Variants in FAM90A24 observed in about 807,000 individuals in gnomAD.
The protein encoded by FAM90A24 is protein FAM90A24.
the FAM90A24 span, among the ~76,000 whole-genome samples, chr8:8,021,926 T>A: frequency 9.3e-5 from 14 of 150,322 alleles, no homozygotes; most frequent in South Asian, 2.1e-4. Flanking sequence ...AGGACTGTGA[T>A]TTGGATTCCA....
the FAM90A24 span, among the ~76,000 whole-genome samples, chr8:8,022,671 G>A: frequency 1.4e-5 from 1 of 74,062 alleles, no homozygotes; most frequent in Non-Finnish European, 2.9e-5. Flanking sequence ...AAGTAGAAAG[G>A]GAGGTTGCCC....
the FAM90A24 span, among the ~76,000 whole-genome samples, chr8:8,022,584 A>C: frequency 3.2e-4 from 27 of 83,258 alleles, no homozygotes; most frequent in Admixed American, 3.0e-3. Context: ...CTCTGAAAGG[A>C]AGGACTCAAA....
chr8:8,021,952 T>C, the FAM90A24 span, among the ~76,000 whole-genome samples: 1 of 151,236 alleles, frequency 6.6e-6, no homozygotes, highest in Non-Finnish European at 1.5e-5. Flanking sequence ...TTTCCCGCTG[T>C]CGTGGGGAAC....
the FAM90A24 span, chr8:8,022,834 C>T: frequency 8.7e-5 from 1 of 11,488 alleles, no homozygotes; most frequent in African/African-American, 2.5e-4. Flanking sequence ...CCCCCGACCC[C>T]ACCCCCACCC....
At chr8:8,022,559 C>T in the FAM90A24 span, among the ~76,000 whole-genome samples, 1 of 85,526 alleles carries the variant, frequency 1.2e-5, no homozygotes, top group African/African-American at 3.3e-5. Context: ...TCGCAAAGCC[C>T]ACGGGACGGA....
At chr8:8,021,941 T>C in the FAM90A24 span, among the ~76,000 whole-genome samples, 6 of 150,888 alleles carry the variant, frequency 4.0e-5, no homozygotes, top group South Asian at 2.1e-4. Flanking sequence ...ATTCCATCGC[T>C]TTTCCCGCTG....
the FAM90A24 span, among the ~76,000 whole-genome samples, chr8:8,021,984 C>G: frequency 6.6e-6 from 1 of 151,016 alleles, no homozygotes; most frequent in African/African-American, 2.4e-5. Flanking sequence ...GCCCCCGCCT[C>G]TCCCCGTCCC....
chr8:8,022,706 CG>C, the FAM90A24 span, among the ~76,000 whole-genome samples: 1 of 66,286 alleles, frequency 1.5e-5, no homozygotes, highest in African/African-American at 4.7e-5. Context: ...AGGGACCTAT[CG>C]GGCCGGGGAG....
chr8:8,022,681 C>T, the FAM90A24 span, among the ~76,000 whole-genome samples: 2 of 72,168 alleles, frequency 2.8e-5, no homozygotes, highest in African/African-American at 8.3e-5. Flanking sequence ...GGAGGTTGCC[C>T]CCAAGAGTCT....
chr8:8,022,711 C>G, the FAM90A24 span, among the ~76,000 whole-genome samples: 1 of 65,118 alleles, frequency 1.5e-5, no homozygotes, highest in Non-Finnish European at 3.2e-5. Context: ...CCTATCGGGC[C>G]GGGGAGAAGG....
At chr8:8,022,475 G>C in the FAM90A24 span, 1 of 375,314 alleles carries the variant, frequency 2.7e-6, no homozygotes, top group Non-Finnish European at 4.5e-6. Context: ...ATTCAGAGCT[G>C]AATAAGGATT....
the FAM90A24 span, among the ~76,000 whole-genome samples, chr8:8,022,578 G>C: frequency 1.2e-5 from 1 of 84,044 alleles, no homozygotes; most frequent in South Asian, 7.5e-4. Flanking sequence ...GAGGAACTCT[G>C]AAAGGAAGGA....
At chr8:8,022,468 C>G in the FAM90A24 span, 1 of 383,546 alleles carries the variant, frequency 2.6e-6, no homozygotes, top group Non-Finnish European at 4.4e-6. Flanking sequence ...ATTGTGAATT[C>G]AGAGCTGAAT....
the FAM90A24 span, chr8:8,022,480 A>C: frequency 2.7e-6 from 1 of 371,174 alleles, no homozygotes. Flanking sequence ...GAGCTGAATA[A>C]GGATTCCAAA....
chr8:8,020,773 T>C, the FAM90A24 span: 1 of 680,542 alleles, frequency 1.5e-6, no homozygotes, highest in South Asian at 1.7e-5. Flanking sequence ...GCAGCCCCAG[T>C]CTGTCTTTCC....
the FAM90A24 span, chr8:8,022,525 G>T: frequency 2.6e-6 from 1 of 391,356 alleles, no homozygotes; most frequent in Non-Finnish European, 4.1e-6. Context: ...TTAAGTGCCG[G>T]GAGAGTTCGG....
the FAM90A24 span, among the ~76,000 whole-genome samples, chr8:8,022,663 G>C: frequency 1.3e-5 from 1 of 75,456 alleles, no homozygotes; most frequent in African/African-American, 3.9e-5. Flanking sequence ...AGGACTCTAA[G>C]TAGAAAGGGA....
chr8:8,022,544 T>C, the FAM90A24 span, among the ~76,000 whole-genome samples: 4 of 85,410 alleles, frequency 4.7e-5, no homozygotes, highest in Admixed American at 1.6e-4. Context: ...GGATACGATG[T>C]TCCCTCGCAA....
chr8:8,022,589 C>G, the FAM90A24 span, among the ~76,000 whole-genome samples: 1 of 83,026 alleles, frequency 1.2e-5, no homozygotes, highest in Non-Finnish European at 2.7e-5. Context: ...AAAGGAAGGA[C>G]TCAAAGTTCC....
Sources: gnomAD v4.1 joint callset for allele counts (sites outside exome capture counted in the v4.1 genomes callset) on GRCh38, gnomAD v4.1.1 for gene constraint, MANE v1.5 for transcripts, NCBI Gene and HGNC (gene_info 2026-07-23, HGNC 2026-07-21) for gene names.